Variants in PTPN2 observed in about 807,000 individuals in gnomAD.
The protein encoded by PTPN2 is protein tyrosine phosphatase non-receptor type 2, also known as tyrosine-protein phosphatase non-receptor type 2.
A neutral mutation model predicts 57.3 loss-of-function variants in PTPN2; 19 were observed. That is an observed-to-expected ratio of 0.33 (90% CI 0.23 to 0.49). PTPN2 has a LOEUF of 0.49. Among genes scored for constraint, PTPN2 ranks in the 20% least tolerant of loss-of-function variants. PTPN2 has a pLI of 0.99. For synonymous variants in PTPN2, 153 were observed against 164.9 expected, an observed-to-expected ratio of 0.93 and a Z score of 0.55; for missense variants, 358 against 501.1, an observed-to-expected ratio of 0.71 and a Z score of 2.73.
At position 12,856,966 on chromosome 18, in the gene PTPN2, A is replaced by T. The variant is rs866508632; in HGVS notation, c.160+2198T>A. Among the ~76,000 whole-genome samples, 3 of 150,408 alleles carry T rather than the reference A, an allele frequency of 2.0e-5. No homozygotes were observed. In the Middle Eastern group the frequency reaches 0.01, roughly 519 times the overall value. On this transcript the variant is annotated intron_variant, in intron 2 of 8. Transcript: ENST00000309660. Reference sequence around the variant, plus strand: ...TCCCAGCTACTTGGGAGGCTGAGGCAGGAGAATCGCTTGAATCCAGGAGGC... The same window carrying T: ...TCCCAGCTACTTGGGAGGCTGAGGCTGGAGAATCGCTTGAATCCAGGAGGC...
At chr18:12,790,789 C>T (rs537426846), downstream of PTPN2, among the ~76,000 whole-genome samples, 2 of 152,338 alleles carry the variant, frequency 1.3e-5, no homozygotes, top group East Asian at 3.9e-4. Context: ...CACAAGTGCA[C>T]ATTAGCTTAC....
At chr18:12,809,306 T>A (rs2041810843) in intron 7 of PTPN2, among the ~76,000 whole-genome samples, 1 of 152,214 alleles carries the variant, frequency 6.6e-6, no homozygotes, top group Non-Finnish European at 1.5e-5. Context: ...AAAATATGTT[T>A]CCTGTGCTCT....
intron 2 of PTPN2, among the ~76,000 whole-genome samples, chr18:12,858,010 A>G (rs1473781006): frequency 6.6e-6 from 1 of 152,216 alleles, no homozygotes; most frequent in Non-Finnish European, 1.5e-5. Flanking sequence ...TTCATGTAAG[A>G]ATAAAAATAA....
intron 7 of PTPN2, among the ~76,000 whole-genome samples, chr18:12,805,600 T>TC: frequency 6.6e-6 from 1 of 151,764 alleles, no homozygotes; most frequent in Non-Finnish European, 1.5e-5. Context: ...TGAAAGCTTT[T>TC]CCTCTTAAGA....
At position 12,871,427 on chromosome 18, in the gene PTPN2, A is replaced by G. The variant is rs928738140; in HGVS notation, c.70-12173T>C. On this transcript the variant is annotated intron_variant, in intron 1 of 8. Transcript: ENST00000309660. ...GAAATTGTTATTATTGTGAAGGTGA[A>G]CAGCTTTACCTGTTTTTAAAAGCCA... 3.3e-5 allele frequency among the ~76,000 whole-genome samples: 5 copies of G among 152,268 alleles called. No homozygotes were observed. In the East Asian group the frequency reaches 9.6e-4, roughly 29 times the overall value.
At chr18:12,843,738 C>T (rs1294110621) in intron 2 of PTPN2, among the ~76,000 whole-genome samples, 1 of 152,204 alleles carries the variant, frequency 6.6e-6, no homozygotes, top group East Asian at 1.9e-4. Flanking sequence ...AATGCGCTGT[C>T]CAGGGCCTAG....
intron 4 of PTPN2, 26 bp downstream of exon 4, chr18:12,830,917 A>C (rs760279174): frequency 6.7e-7 from 1 of 1,491,870 alleles, no homozygotes; most frequent in East Asian, 2.3e-5. Context: ...CAGTATACTA[A>C]GTTGTAAATA....
chr18:12,861,855 G>A (rs1212383680), intron 1 of PTPN2, among the ~76,000 whole-genome samples: 1 of 152,152 alleles, frequency 6.6e-6, no homozygotes, highest in Admixed American at 6.6e-5. Context: ...TTAGCCCAGA[G>A]AAACACACTT....
intron 7 of PTPN2, among the ~76,000 whole-genome samples, chr18:12,803,305 A>T (rs1391917515): frequency 6.6e-6 from 1 of 152,212 alleles, no homozygotes; most frequent in Non-Finnish European, 1.5e-5. Context: ...ACAAAGGTAA[A>T]CAATAAGAGA....
intron 3 of PTPN2, among the ~76,000 whole-genome samples, chr18:12,835,398 G>GTTTTTTTTT (rs2042826143): frequency 1.6e-4 from 1 of 6,120 alleles, no homozygotes; most frequent in African/African-American, 3.8e-4. Flanking sequence ...TTTTTTTTTG[G>GTTTTTTTTT]ACAGTTTTGC....
At chr18:12,868,650 C>T (rs1025739137) in intron 1 of PTPN2, among the ~76,000 whole-genome samples, 3 of 151,014 alleles carry the variant, frequency 2.0e-5, no homozygotes, top group Non-Finnish European at 4.4e-5. Flanking sequence ...CTTCAAACTT[C>T]AGGCCGGGCG....
chr18:12,826,095 G>A lies in PTPN2; in HGVS notation c.361-151C>T, dbSNP rs1427585383. ...GTCACTACTATATTCTACGCTTAAT[G>A]TATTTTAGTAAGATTGAAATTTTAT... On this transcript the variant is annotated intron_variant, in intron 4 of 8. Transcript: ENST00000309660. The A allele has an allele frequency of 1.5e-5, 9 of 612,578 alleles. No homozygotes were observed. The Admixed American group carries it at 3.0e-4, about 20-fold the overall frequency. 37.9% of individuals were successfully genotyped at this position (612,578 alleles called of 1,614,324 possible). A position where few individuals can be genotyped will look rare whatever the true frequency, so the allele number is the denominator to read the frequency against.
chr18:12,875,976 A>G (rs34846641), intron 1 of PTPN2, among the ~76,000 whole-genome samples: 40,730 of 151,970 alleles, frequency 0.27, 7,626 homozygotes, highest in African/African-American at 0.53. Flanking sequence ...GGAAGGGTGA[A>G]GCCGGAAGAT....
rs905694160 is a variant in PTPN2, at chr18:12,808,794, A to G, written c.858+5409T>C. Among the ~76,000 whole-genome samples the G allele has an allele frequency of 4.9e-4, 75 of 152,236 alleles. 1 individual carries two copies. The highest frequency in any genetic ancestry group is 1.5e-4 in the Non-Finnish European group (10 of 68,046). On this transcript the variant is annotated intron_variant, in intron 7 of 8. Transcript: ENST00000309660. ...TCCGTCTCAAAAGAACCAACCAACC[A>G]ACAGACAAAAAAACAAAATAAAAAA...
At position 12,802,014 on chromosome 18, in the gene PTPN2, T is replaced by C. The variant is rs1344902298; in HGVS notation, c.996A>G (p.Gly332=). 1.2e-6 allele frequency: 2 copies of C among 1,611,990 alleles called. No individual in the cohort carries two copies. Among genetic ancestry groups the C allele is most frequent in the African/African-American group, 2.7e-5 (2 of 75,002 alleles). Residue 332 remains glycine, a synonymous_variant, in exon 8 of 9, where the codon GGA becomes GGG. Transcript: ENST00000309660. ...EEKLTGDRCT[G]LSSKMQDTME... ...TTGTATCTTGCATTTTAGAGGAAAG[T>C]CCTGTACATCGGTCACCTGTCAGTT... is the stretch of plus-strand genomic sequence containing the variant.
At chr18:12,853,105 G>A (rs1171357329) in intron 2 of PTPN2, among the ~76,000 whole-genome samples, 2 of 152,160 alleles carry the variant, frequency 1.3e-5, no homozygotes, top group Non-Finnish European at 2.9e-5. Context: ...TTCAACAAAT[G>A]TTTTCTGAAC....
At chr18:12,840,628 T>A in intron 2 of PTPN2, 1 of 1,445,790 alleles carries the variant, frequency 6.9e-7, no homozygotes, top group Non-Finnish European at 9.5e-7. Flanking sequence ...CCCATCGCAC[T>A]GTCACTCAGG....
intron 2 of PTPN2, among the ~76,000 whole-genome samples, chr18:12,854,602 G>A (rs1029602947): frequency 3.9e-5 from 6 of 152,124 alleles, no homozygotes; most frequent in African/African-American, 1.4e-4. Flanking sequence ...GGTGGCTACA[G>A]GACACCCAGA....
chr18:12,884,071 AC>A lies in PTPN2; in HGVS notation c.69+1del. The A allele has an allele frequency of 6.3e-7, 1 of 1,574,802 alleles. No individual in the cohort carries two copies. The highest frequency in any genetic ancestry group is 8.6e-7 in the Non-Finnish European group (1 of 1,161,938). ...CGACTGCCGCGTGGGTCCGCGACTC[AC>A]CAAGTACAGCGGCTGCCAGCGACGC... On this transcript the variant is annotated splice_donor_variant, in intron 1 of 8. Coordinates refer to ENST00000309660, the MANE Select transcript of PTPN2 (RefSeq NM_002828.4). LOFTEE classifies it high-confidence loss of function.
Sources: gnomAD v4.1 joint callset for allele counts (sites outside exome capture counted in the v4.1 genomes callset) on GRCh38, gnomAD v4.1.1 for gene constraint, MANE v1.5 for transcripts, NCBI Gene and HGNC (gene_info 2026-07-23, HGNC 2026-07-21) for gene names.